The following KLHL4 variants were observed in gnomAD, a reference collection of about 807,000 sequenced individuals.
KLHL4 encodes kelch-like protein 4.
In KLHL4, 17 loss-of-function variants were observed where a neutral mutation model predicts 45.8. The observed-to-expected ratio is 0.37, with a 90% CI of 0.25 to 0.56. KLHL4 has a LOEUF of 0.56. KLHL4 is among the 20% of genes least tolerant of loss of function. KLHL4 has a pLI of 0.79. For missense variants in KLHL4, 544 were observed against 544.9 expected (o/e 1.00, Z 0.02); for synonymous variants, 224 against 189.9 (o/e 1.18, Z -1.47).
chrX:87,522,847 C>G (rs1434388359), intron 1 of KLHL4, among the ~76,000 whole-genome samples: 1 of 111,657 alleles, frequency 9.0e-6, no homozygotes, highest in Non-Finnish European at 1.9e-5. Flanking sequence ...TACTCATTGC[C>G]TCAATCCTGA....
rs111347870 is a variant in KLHL4 at position 87,624,252 on chromosome X, T to C, written c.1138-1358T>C. ...CTGAGTATGCCTTAGACCTAGAATA[T>C]GGACTGTGTCAACTTTTCCTGATCG... is the stretch of plus-strand genomic sequence containing the variant. On this transcript the variant is annotated intron_variant, in intron 5 of 10. Coordinates refer to ENST00000373119, the MANE Select transcript of KLHL4 (RefSeq NM_019117.5). 4.0e-3 allele frequency among the ~76,000 whole-genome samples: 446 copies of C among 112,319 alleles called. 2 individuals carry two copies. Among genetic ancestry groups the C allele is most frequent in the African/African-American group, 0.014 (418 of 30,935 alleles).
intron 6 of KLHL4, among the ~76,000 whole-genome samples, chrX:87,628,950 G>T (rs1487829273): frequency 8.9e-6 from 1 of 111,888 alleles, no homozygotes; most frequent in Admixed American, 9.5e-5. Flanking sequence ...GTAAACTTTG[G>T]ATGTCTTGTA....
intron 1 of KLHL4, among the ~76,000 whole-genome samples, chrX:87,532,996 A>G (rs1189620248): frequency 1.9e-5 from 2 of 106,781 alleles, no homozygotes. Context: ...AATCAAAACC[A>G]CAATGAGATA....
intron 7 of KLHL4, among the ~76,000 whole-genome samples, chrX:87,633,070 G>A (rs969726312): frequency 9.0e-6 from 1 of 111,092 alleles, no homozygotes; most frequent in East Asian, 2.8e-4. Flanking sequence ...GCTTAGAAAG[G>A]TCCTGCAGGG....
At chrX:87,542,085 G>T (rs1482741888) in intron 1 of KLHL4, among the ~76,000 whole-genome samples, 1 of 111,997 alleles carries the variant, frequency 8.9e-6, no homozygotes, top group East Asian at 2.8e-4. Flanking sequence ...TCTGGCAGAA[G>T]AATTTTCTAA....
chrX:87,641,932 C>G (rs781043319), intron 9 of KLHL4, among the ~76,000 whole-genome samples: 14 of 108,761 alleles, frequency 1.3e-4, no homozygotes, highest in Non-Finnish European at 2.7e-4. Context: ...AGCCCCACCC[C>G]CACCTGATGG....
At chrX:87,537,129 A>G (rs1368656478) in intron 1 of KLHL4, among the ~76,000 whole-genome samples, 1 of 111,470 alleles carries the variant, frequency 9.0e-6, no homozygotes, top group East Asian at 2.8e-4. Context: ...GAGAGCTGCT[A>G]TAGCCAAGGT....
At chrX:87,624,645 A>C (rs772743773) in intron 5 of KLHL4, among the ~76,000 whole-genome samples, 22 of 111,475 alleles carry the variant, frequency 2.0e-4, no homozygotes. Context: ...GATACTGTGG[A>C]CCCAAAACTC....
intron 1 of KLHL4, among the ~76,000 whole-genome samples, chrX:87,603,785 A>G (rs1302385072): frequency 9.1e-6 from 1 of 110,206 alleles, no homozygotes; most frequent in Non-Finnish European, 1.9e-5. Flanking sequence ...AGTACTTTAC[A>G]GTTAACCACA....
At chrX:87,583,220 T>C (rs765230538) in intron 1 of KLHL4, among the ~76,000 whole-genome samples, 16 of 111,913 alleles carry the variant, frequency 1.4e-4, no homozygotes, top group African/African-American at 6.5e-5. Context: ...CACTGATTAA[T>C]GTGTTTTACA....
chrX:87,545,858 C>T (rs1361529977), intron 1 of KLHL4, among the ~76,000 whole-genome samples: 1 of 111,157 alleles, frequency 9.0e-6, no homozygotes, highest in Non-Finnish European at 1.9e-5. Context: ...GGATGAAGAA[C>T]TTATTGGGAA....
chrX:87,622,074 C>G (rs1217020200), intron 4 of KLHL4, 137 bp from the exon 5 acceptor site: 2 of 455,859 alleles, frequency 4.4e-6, no homozygotes, highest in Non-Finnish European at 7.6e-6. Context: ...GTAGCAGGAG[C>G]ACCTATTTTT....
intron 6 of KLHL4, among the ~76,000 whole-genome samples, chrX:87,628,106 G>T (rs959258989): frequency 4.5e-5 from 5 of 111,627 alleles, no homozygotes; most frequent in African/African-American, 6.5e-5. Flanking sequence ...ACCATTAAAA[G>T]AATAGTAAAA....
Position 87,635,741 on chromosome X carries a change from A to G in KLHL4, c.1891A>G (p.Asn631Asp). The change falls in exon 9 of 11, where the codon AAC becomes GAC. Residue 631 changes from asparagine (N) to aspartate (D), a missense_variant. Asn to Asp is a conservative substitution (Grantham distance 23). Transcript: ENST00000373119. ...AGGGGGGCATGATGCCCCTGCTTCC[A>G]ACCATTGCTCCAGGCTTTCTGACTG... ...VVGGHDAPAS[N>D]HCSRLSDCVE... The G allele has an allele frequency of 8.3e-7, 1 of 1,203,252 alleles. No homozygotes were observed. The highest frequency in any genetic ancestry group is 1.1e-6 in the Non-Finnish European group (1 of 889,236).
chrX:87,666,162 A>T (rs1924362696), intron 10 of KLHL4, among the ~76,000 whole-genome samples: 1 of 111,455 alleles, frequency 9.0e-6, no homozygotes, highest in South Asian at 3.7e-4. Context: ...GTCATTCATT[A>T]TTTCACTCAA....
At chrX:87,651,074 C>A (rs1416837541) in intron 9 of KLHL4, among the ~76,000 whole-genome samples, 1 of 112,135 alleles carries the variant, frequency 8.9e-6, no homozygotes, top group African/African-American at 3.2e-5. Context: ...CAGATTATTG[C>A]ACATTCACCT....
At chrX:87,568,386 T>TTTA in intron 1 of KLHL4, among the ~76,000 whole-genome samples, 1 of 69,369 alleles carries the variant, frequency 1.4e-5, no homozygotes, top group East Asian at 6.6e-4. Flanking sequence ...TTCTTTTCTT[T>TTTA]TTTTCTTTTT....
At chrX:87,637,760 C>T (rs1923313864) in intron 9 of KLHL4, among the ~76,000 whole-genome samples, 1 of 110,786 alleles carries the variant, frequency 9.0e-6, no homozygotes, top group African/African-American at 3.3e-5. Context: ...ACCAGCCTGG[C>T]CAACATGGCA....
chrX:87,591,543 G>A (rs1199137402), intron 1 of KLHL4, among the ~76,000 whole-genome samples: 3 of 110,915 alleles, frequency 2.7e-5, no homozygotes, highest in Non-Finnish European at 5.7e-5. Context: ...GTATATTCTG[G>A]ATATCAATCC....
Sources: allele counts gnomAD v4.1 joint callset (sites outside exome capture counted in the v4.1 genomes callset), GRCh38; gene constraint gnomAD v4.1.1; transcripts MANE v1.5; gene names NCBI Gene and HGNC (gene_info 2026-07-23, HGNC 2026-07-21).